Variants in GAS7 observed in about 807,000 individuals in gnomAD.
The protein encoded by GAS7 is growth arrest specific 7, also known as growth arrest-specific protein 7.
GAS7 carries 28 observed loss-of-function variants against 71.1 expected under a neutral mutation model. That is an observed-to-expected ratio of 0.39 (90% CI 0.29 to 0.54). GAS7 has a LOEUF of 0.54. GAS7 is among the 20% of genes least tolerant of loss of function. The pLI is 0.62. For missense variants in GAS7, 436 were observed against 627.8 expected (o/e 0.69, Z 3.27); for synonymous variants, 258 against 245.8 (o/e 1.05, Z -0.46).
At chr17:10,148,090 C>A (rs75307795) in intron 1 of GAS7, among the ~76,000 whole-genome samples, 55 of 152,244 alleles carry the variant, frequency 3.6e-4, no homozygotes, top group African/African-American at 1.3e-3. Flanking sequence ...ATAAAGCACA[C>A]GTGAACATCA....
chr17:10,115,430 A>G (rs1346811183), intron 1 of GAS7, among the ~76,000 whole-genome samples: 1 of 152,230 alleles, frequency 6.6e-6, no homozygotes, highest in Non-Finnish European at 1.5e-5. Flanking sequence ...TCCCCAACTC[A>G]GGAAGTGTTG....
At chr17:10,073,731 G>A (rs557119719) in intron 1 of GAS7, among the ~76,000 whole-genome samples, 2 of 152,286 alleles carry the variant, frequency 1.3e-5, no homozygotes, top group Admixed American at 6.5e-5. Flanking sequence ...GATCAAGTGC[G>A]TGACAGCTAC....
intron 5 of GAS7, among the ~76,000 whole-genome samples, chr17:9,948,233 A>C (rs1177358027): frequency 6.6e-6 from 1 of 152,248 alleles, no homozygotes; most frequent in Non-Finnish European, 1.5e-5. Context: ...CACCTGTATA[A>C]TACACATCTG....
At position 10,039,441 on chromosome 17, in the gene GAS7, G is replaced by T. The variant is rs112730852; in HGVS notation, c.184-19544C>A. ...TCACGTCTGTAATCCCAACACTTTG[G>T]AAGGCTGAGGTAGGTGGATCATTTG... On this transcript the variant is annotated intron_variant, in intron 1 of 13. Coordinates refer to ENST00000432992, the MANE Select transcript of GAS7 (RefSeq NM_201433.2). Among the ~76,000 whole-genome samples, 1,049 of 152,218 alleles carry T rather than the reference G, an allele frequency of 6.9e-3. 13 individuals carry two copies. Among genetic ancestry groups the T allele is most frequent in the African/African-American group, 0.024 (988 of 41,510 alleles).
rs543757445 is a variant in GAS7 at position 9,923,852 on chromosome 17, C to T, written c.1138+1624G>A. Among the ~76,000 whole-genome samples, 4 of 152,306 alleles carry T rather than the reference C, an allele frequency of 2.6e-5. No homozygotes were observed. The South Asian group carries it at 8.3e-4, about 32-fold the overall frequency. ...ACAGCTTCACTGGCTGGCAAGCACT[C>T]TGAAACAATCTAAGAGTCCTAAACC... is the stretch of plus-strand genomic sequence containing the variant. On this transcript the variant is annotated intron_variant, in intron 11 of 13. Coordinates refer to ENST00000432992, the MANE Select transcript of GAS7 (RefSeq NM_201433.2).
chr17:10,094,943 C>A (rs137956107), intron 1 of GAS7, among the ~76,000 whole-genome samples: 1 of 152,308 alleles, frequency 6.6e-6, no homozygotes, highest in African/African-American at 2.4e-5. Context: ...ATTTCCATTT[C>A]TGTCATCCGC....
chr17:9,935,425 C>T (rs890815892), intron 8 of GAS7, among the ~76,000 whole-genome samples: 3 of 152,200 alleles, frequency 2.0e-5, no homozygotes, highest in African/African-American at 7.2e-5. Context: ...CCAAGTGATA[C>T]CCCCGCTTTC....
chr17:9,948,676 C>T (rs1246878083), intron 5 of GAS7, among the ~76,000 whole-genome samples: 4 of 151,082 alleles, frequency 2.6e-5, no homozygotes, highest in African/African-American at 7.4e-5. Context: ...GAGTGAGACT[C>T]CCCCTCAAAA....
At chr17:10,029,664 C>G (rs11870363) in intron 1 of GAS7, among the ~76,000 whole-genome samples, 19,945 of 151,824 alleles carry the variant, frequency 0.13, 1,453 homozygotes, top group East Asian at 0.27. Flanking sequence ...GACCAACCTG[C>G]GCAACACAGC....
chr17:10,184,569 C>T lies in GAS7; in HGVS notation c.183+13639G>A, dbSNP rs147435450. Among the ~76,000 whole-genome samples the T allele has an allele frequency of 4.9e-3, 744 of 152,258 alleles. 9 individuals carry two copies. The highest frequency in any genetic ancestry group is 0.017 in the African/African-American group (692 of 41,540). Reference sequence around the variant, plus strand: ...AATGCCTTGCTACTCAAATTGTGGCCGGCAGACTGGAAGCAGTGGCATCAC... The same window carrying T: ...AATGCCTTGCTACTCAAATTGTGGCTGGCAGACTGGAAGCAGTGGCATCAC... On this transcript the variant is annotated intron_variant, in intron 1 of 13. Transcript: ENST00000432992.
At chr17:10,062,742 A>G (rs2073233064) in intron 1 of GAS7, among the ~76,000 whole-genome samples, 1 of 152,250 alleles carries the variant, frequency 6.6e-6, no homozygotes, top group Non-Finnish European at 1.5e-5. Flanking sequence ...CTGAACCAGC[A>G]AATCAGGGCT....
At chr17:10,144,171 T>C (rs1435004007) in intron 1 of GAS7, among the ~76,000 whole-genome samples, 1 of 152,188 alleles carries the variant, frequency 6.6e-6, no homozygotes, top group African/African-American at 2.4e-5. Context: ...CAGAGAAGGC[T>C]AGTGACTGTT....
chr17:9,920,961 GC>G (rs1276801980), intron 11 of GAS7, among the ~76,000 whole-genome samples: 1 of 152,022 alleles, frequency 6.6e-6, no homozygotes, highest in Non-Finnish European at 1.5e-5. Flanking sequence ...ATGTCTCCAG[GC>G]CCCAGGCCTA....
At chr17:10,058,758 C>T (rs1033106393) in intron 1 of GAS7, among the ~76,000 whole-genome samples, 2 of 152,196 alleles carry the variant, frequency 1.3e-5, no homozygotes, top group African/African-American at 4.8e-5. Flanking sequence ...CTGGCCGTAA[C>T]ATTGACTCAT....
In GAS7 at chr17:9,912,534, G is replaced by A; in HGVS notation, c.*4694C>T. ...AAGGACCGTGTGACACTGAAGCCTG[G>A]GTCCCAGAAGGGAGCAGATCTGCTG... On this transcript the variant is annotated 3_prime_UTR_variant, in exon 14 of 14. Transcript: ENST00000432992. The A allele has an allele frequency of 4.3e-6, 1 of 232,976 alleles. No individual in the cohort carries two copies. Among genetic ancestry groups the A allele is most frequent in the East Asian group, 6.0e-5 (1 of 16,540 alleles). The allele number at this position is 232,976 out of a possible 1,614,324, so 14.4% of individuals were successfully genotyped here.
At chr17:9,947,121 G>T in intron 5 of GAS7, 138 bp from the exon 6 acceptor site, 1 of 580,138 alleles carries the variant, frequency 1.7e-6, no homozygotes, top group South Asian at 2.0e-5. Context: ...GTGCTCCAGG[G>T]GCCAGCATTT....
chr17:10,024,055 C>A (rs925009690), intron 1 of GAS7, among the ~76,000 whole-genome samples: 4 of 152,032 alleles, frequency 2.6e-5, no homozygotes, highest in Admixed American at 6.6e-5. Context: ...ACCTGGGAGG[C>A]GGAGGTTGCC....
chr17:9,978,505 G>T (rs112463710), intron 3 of GAS7, among the ~76,000 whole-genome samples: 3,611 of 151,070 alleles, frequency 0.024, 91 homozygotes, highest in African/African-American at 0.064. Context: ...ATAATAATAA[G>T]AAGAAGAAAA....
At chr17:9,944,166 C>A (rs1479837876) in intron 6 of GAS7, among the ~76,000 whole-genome samples, 1 of 152,240 alleles carries the variant, frequency 6.6e-6, no homozygotes, top group Non-Finnish European at 1.5e-5. Flanking sequence ...CCCTGCCATT[C>A]CCCTGCCTGA....
Sources: gnomAD v4.1 joint callset for allele counts (sites outside exome capture counted in the v4.1 genomes callset) on GRCh38, gnomAD v4.1.1 for gene constraint, MANE v1.5 for transcripts, NCBI Gene and HGNC (gene_info 2026-07-23, HGNC 2026-07-21) for gene names.